Variants in ZNF462 observed in about 807,000 individuals in gnomAD.
The protein encoded by ZNF462 is zinc finger PBX1-interacting protein.
ZNF462 carries 10 observed loss-of-function variants against 201.9 expected under a neutral mutation model. The ratio of observed to expected loss-of-function variants is 0.05; its 90% CI spans 0.03 to 0.08. ZNF462 has a LOEUF of 0.08. Among genes scored for constraint, ZNF462 ranks in the 10% least tolerant of loss-of-function variants. The pLI, the probability that ZNF462 is intolerant of heterozygous loss-of-function variation, is 1.00. For synonymous variants in ZNF462, 1,227 were observed against 1,193.3 expected (o/e 1.03, Z -0.58); for missense variants, 2,523 against 3,168.3 (o/e 0.80, Z 4.89).
At chr9:106,901,375 C>A (rs748477299) in intron 1 of ZNF462, among the ~76,000 whole-genome samples, 2 of 152,044 alleles carry the variant, frequency 1.3e-5, no homozygotes, top group African/African-American at 2.4e-5. Context: ...TGTTCTTTTG[C>A]TTAGTCTTCC....
At chr9:106,992,014 T>C (rs1483851953) in intron 10 of ZNF462, among the ~76,000 whole-genome samples, 1 of 151,196 alleles carries the variant, frequency 6.6e-6, no homozygotes, top group Non-Finnish European at 1.5e-5. Flanking sequence ...TATGGACAAC[T>C]AAAAGAAAAA....
rs1336223103 is a variant in ZNF462, at chr9:106,932,662, C to CCTG, written c.6116+119_6116+121dup. 5 of 1,345,990 alleles carry CCTG rather than the reference C, an allele frequency of 3.7e-6. 1 individual carries two copies. The highest frequency in any genetic ancestry group is 5.2e-6 in the Non-Finnish European group (5 of 969,460). The allele number at this position is 1,345,990 out of a possible 1,614,324, so 83.4% of individuals were successfully genotyped here. ...AAGAAGGCCCCACTCATGGTTCACA[C>CCTG]CTGCTGCTATGTTACCTGGAGCCTC... On this transcript the variant is annotated intron_variant, in intron 5 of 12. Transcript: ENST00000277225. This position sits in a 1 kb window ranked among gnomAD's most constrained non-coding sequence, Gnocchi z 6.8.
rs766933789 is a variant in ZNF462, at chr9:106,929,081, T to C, written c.5169T>C (p.Asp1723=). The change falls in exon 3 of 13, where the codon GAT becomes GAC. Residue 1723 remains aspartate (D), a synonymous_variant. Transcript: ENST00000277225. The surrounding 1 kb of genome is among the most constrained non-coding windows in gnomAD (Gnocchi z 8.7). ...ACTACCAGAAGCGCCACGACATTGA[T>C]GCGTATTACACTCACTGCTTGGCAG... is the stretch of plus-strand genomic sequence containing the variant. The part of the protein sequence containing the change: ...AAHYQKRHDI[D]AYYTHCLAAS... 1.1e-5 allele frequency: 17 copies of C among 1,613,976 alleles called. 1 individual carries two copies. The Middle Eastern group carries it at 4.9e-4, about 47-fold the overall frequency.
In ZNF462 at chr9:106,865,686, C is replaced by T. The variant is rs1266440138; in HGVS notation, c.-31+2331C>T. 6.6e-6 allele frequency among the ~76,000 whole-genome samples: 1 copy of T among 152,112 alleles called. No homozygotes were observed. Among genetic ancestry groups the T allele is most frequent in the African/African-American group, 2.4e-5 (1 of 41,412 alleles). ...GTCTTCAGAAATATCAGTATGTCTT[C>T]TTAACAATGTCGCTATGGAAACAAA... On this transcript the variant is annotated intron_variant, in intron 1 of 12. Transcript: ENST00000277225. The surrounding 1 kb of genome is among the most constrained non-coding windows in gnomAD (Gnocchi z 4.1).
intron 7 of ZNF462, among the ~76,000 whole-genome samples, chr9:106,941,618 G>A (rs1830873546): frequency 6.6e-6 from 1 of 152,202 alleles, no homozygotes; most frequent in South Asian, 2.1e-4. Context: ...TGTTTTTAAT[G>A]TATATAAATG....
intron 1 of ZNF462, among the ~76,000 whole-genome samples, chr9:106,900,542 C>T (rs1208269960): frequency 1.3e-5 from 2 of 152,080 alleles, no homozygotes; most frequent in African/African-American, 4.8e-5. Flanking sequence ...CGCATCCATG[C>T]CAACATCTAC....
At chr9:106,910,792 G>C (rs777055010) in intron 1 of ZNF462, among the ~76,000 whole-genome samples, 2 of 152,118 alleles carry the variant, frequency 1.3e-5, no homozygotes, top group Non-Finnish European at 2.9e-5. Flanking sequence ...TCTTTGGTTA[G>C]CCTAAAGCAT....
rs761642825 is a variant in ZNF462, at chr9:106,927,623, C to T, written c.3711C>T (p.Cys1237=). 8.1e-6 allele frequency: 13 copies of T among 1,613,860 alleles called. No individual in the cohort carries two copies. The highest frequency in any genetic ancestry group is 1.6e-4 in the Middle Eastern group (1 of 6,084). Residue 1237 remains cysteine, a synonymous_variant, in exon 3 of 13, where the codon TGC becomes TGT. Coordinates refer to ENST00000277225, the MANE Select transcript of ZNF462 (RefSeq NM_021224.6). ...RQHTATIRSL[C]DRNQKKPASC... is the part of the protein sequence containing the mutation. ...ATACGGCCACCATTCGAAGCCTCTG[C>T]GACCGAAATCAGAAGAAGCCTGCCA...
intron 1 of ZNF462, among the ~76,000 whole-genome samples, chr9:106,922,691 G>A (rs1009862018): frequency 2.6e-5 from 4 of 152,026 alleles, no homozygotes; most frequent in Non-Finnish European, 5.9e-5. Flanking sequence ...GGTTATAATT[G>A]GTAGGTAGTA....
At chr9:106,934,682 G>T (rs1564115738) in intron 5 of ZNF462, among the ~76,000 whole-genome samples, 4 of 152,204 alleles carry the variant, frequency 2.6e-5, no homozygotes, top group Admixed American at 2.6e-4. Flanking sequence ...ATGGTAAGCA[G>T]TACCGTTCCC....
At position 106,919,195 on chromosome 9, in the gene ZNF462, C is replaced by T. The variant is rs549203061; in HGVS notation, c.-30-4159C>T. 5.3e-5 allele frequency among the ~76,000 whole-genome samples: 8 copies of T among 152,216 alleles called. No homozygotes were observed. Among genetic ancestry groups the T allele is most frequent in the Non-Finnish European group, 1.2e-4 (8 of 68,042 alleles). On this transcript the variant is annotated intron_variant, in intron 1 of 12. Transcript: ENST00000277225. This position sits in a 1 kb window ranked among gnomAD's most constrained non-coding sequence, Gnocchi z 4.5. ...TTGACTTGAGGACCACATTTATGCTCCTGGGCCCTCAAACTAAAGAGCAGT... is the reference window on the plus strand; with the variant it reads ...TTGACTTGAGGACCACATTTATGCTTCTGGGCCCTCAAACTAAAGAGCAGT...
intron 7 of ZNF462, among the ~76,000 whole-genome samples, chr9:106,955,760 G>T (rs1040515084): frequency 2.0e-5 from 3 of 152,046 alleles, no homozygotes; most frequent in African/African-American, 7.2e-5. Flanking sequence ...AACAGTGTTC[G>T]CAACATCTTC....
intron 8 of ZNF462, among the ~76,000 whole-genome samples, chr9:106,973,810 TC>T (rs1278232571): frequency 1.3e-5 from 2 of 152,062 alleles, no homozygotes; most frequent in Non-Finnish European, 2.9e-5. Context: ...GAAAAATAGT[TC>T]CTTTTTTGGG....
intron 1 of ZNF462, among the ~76,000 whole-genome samples, chr9:106,900,572 T>G (rs1261422780): frequency 1.3e-5 from 2 of 152,152 alleles, no homozygotes; most frequent in Non-Finnish European, 2.9e-5. Flanking sequence ...ATTTTTTGAT[T>G]ATGGCCATTC....
intron 10 of ZNF462, among the ~76,000 whole-genome samples, chr9:106,998,969 A>C (rs1023333786): frequency 5.9e-5 from 9 of 152,276 alleles, no homozygotes; most frequent in African/African-American, 1.7e-4. Flanking sequence ...TGGCCTTCAC[A>C]GGGGACCTTG....
At position 106,872,281 on chromosome 9, in the gene ZNF462, C is replaced by T. The variant is rs1352787028; in HGVS notation, c.-31+8926C>T. 2.6e-5 allele frequency among the ~76,000 whole-genome samples: 4 copies of T among 152,180 alleles called. No individual in the cohort carries two copies. Among genetic ancestry groups the T allele is most frequent in the Admixed American group, 2.0e-4 (3 of 15,284 alleles). ...CAGAATCTTTTCTCTTCAGTGGTTTCTATCTTAAATAGTCTTCTCTGAAGA... is the reference window on the plus strand; with the variant it reads ...CAGAATCTTTTCTCTTCAGTGGTTTTTATCTTAAATAGTCTTCTCTGAAGA... On this transcript the variant is annotated intron_variant, in intron 1 of 12. Transcript: ENST00000277225. This position sits in a 1 kb window ranked among gnomAD's most constrained non-coding sequence, Gnocchi z 4.5.
Position 106,928,110 on chromosome 9 carries a change from G to A in ZNF462, c.4198G>A (p.Glu1400Lys). ...AFHPWAMNGD[E>K]SVLLDIIKEK... ...CCACCCCTGGGCCATGAATGGTGAT[G>A]AGTCAGTGCTACTGGACATCATCAA... is the stretch of plus-strand genomic sequence containing the variant. The change falls in exon 3 of 13, where the codon GAG (glutamate) becomes AAG (lysine). Residue 1400 changes from glutamate (E) to lysine (K), a missense_variant. By Grantham distance (56) the Glu-to-Lys change is moderately conservative. Around this residue, in one of 15 missense-constraint regions of ZNF462, gnomAD observed 165 missense variants for 142.6 expected, o/e 1.16. Coordinates refer to ENST00000277225, the MANE Select transcript of ZNF462 (RefSeq NM_021224.6). This position sits in a 1 kb window ranked among gnomAD's most constrained non-coding sequence, Gnocchi z 9.3. 2 of 1,614,204 alleles carry A rather than the reference G, an allele frequency of 1.2e-6. No individual in the cohort carries two copies. The highest frequency in any genetic ancestry group is 1.7e-6 in the Non-Finnish European group (2 of 1,180,042).
chr9:106,860,537 C>G (rs974063366), upstream of ZNF462, among the ~76,000 whole-genome samples: 1 of 152,158 alleles, frequency 6.6e-6, no homozygotes, highest in East Asian at 1.9e-4. The surrounding 1 kb of genome is among the most constrained non-coding windows in gnomAD (Gnocchi z 7.1). Flanking sequence ...ACTTACGACC[C>G]AAGCCAACCC....
At chr9:106,965,237 C>T (rs780305561) in intron 7 of ZNF462, among the ~76,000 whole-genome samples, 14 of 151,954 alleles carry the variant, frequency 9.2e-5, no homozygotes, top group African/African-American at 1.9e-4. Flanking sequence ...GGATGCAATA[C>T]GTAGAATTTG....
Sources: allele counts gnomAD v4.1 joint callset (sites outside exome capture counted in the v4.1 genomes callset), GRCh38; gene constraint gnomAD v4.1.1; regional missense constraint gnomAD v4.1.1; non-coding constraint Gnocchi (gnomAD v3.1); transcripts MANE v1.5; gene names NCBI Gene and HGNC (gene_info 2026-07-23, HGNC 2026-07-21).